ZNF892: variants seen among roughly 807,000 people sequenced by gnomAD.
ZNF892 encodes zinc finger protein 570-like.
the ZNF892 span, among the ~76,000 whole-genome samples, chr2:95,239,369 G>A: frequency 6.6e-6 from 1 of 152,156 alleles, no homozygotes; most frequent in Non-Finnish European, 1.5e-5. Context: ...CTGCAGCAGG[G>A]TTTAAGAGGA....
At chr2:95,225,253 A>G in the ZNF892 span, among the ~76,000 whole-genome samples, 1 of 152,246 alleles carries the variant, frequency 6.6e-6, no homozygotes, top group Admixed American at 6.5e-5. Flanking sequence ...AACACATAAC[A>G]TAAAATTTAC....
the ZNF892 span, among the ~76,000 whole-genome samples, chr2:95,214,178 A>G: frequency 6.6e-6 from 1 of 152,022 alleles, no homozygotes; most frequent in African/African-American, 2.4e-5. Context: ...TTCTCTCAAG[A>G]TTGCAAGACT....
At chr2:95,262,374 G>T in the ZNF892 span, among the ~76,000 whole-genome samples, 6 of 152,306 alleles carry the variant, frequency 3.9e-5, no homozygotes, top group Middle Eastern at 6.8e-3. Flanking sequence ...ACAGAGCTGT[G>T]TCTTTATTCC....
chr2:95,245,585 A>G, the ZNF892 span, among the ~76,000 whole-genome samples: 2 of 6,744 alleles, frequency 3.0e-4, no homozygotes, highest in Non-Finnish European at 5.0e-4. Flanking sequence ...TGGTTTTTTG[A>G]AAAAAAAAAA....
At chr2:95,221,543 A>G in the ZNF892 span, among the ~76,000 whole-genome samples, 2 of 152,220 alleles carry the variant, frequency 1.3e-5, no homozygotes, top group East Asian at 3.9e-4. Flanking sequence ...AGTGTGTGGT[A>G]TGGTTGGTTT....
At chr2:95,210,930 G>A in the ZNF892 span, among the ~76,000 whole-genome samples, 4 of 152,132 alleles carry the variant, frequency 2.6e-5, no homozygotes, top group Admixed American at 1.3e-4. Flanking sequence ...GGGGCAGAGG[G>A]CAGAATATTC....
chr2:95,243,383 G>T, the ZNF892 span, among the ~76,000 whole-genome samples: 55 of 151,206 alleles, frequency 3.6e-4, no homozygotes, highest in African/African-American at 1.3e-3. Flanking sequence ...CTGCCCGGCC[G>T]CCATCCCATC....
the ZNF892 span, among the ~76,000 whole-genome samples, chr2:95,241,615 C>T: frequency 6.6e-6 from 1 of 152,148 alleles, no homozygotes; most frequent in Non-Finnish European, 1.5e-5. Context: ...AACACCTCTC[C>T]AGCAAGGGCA....
the ZNF892 span, among the ~76,000 whole-genome samples, chr2:95,262,805 A>G: frequency 1.3e-5 from 2 of 152,240 alleles, no homozygotes; most frequent in Non-Finnish European, 2.9e-5. Flanking sequence ...GACGTATTCA[A>G]CTGAACCTAA....
the ZNF892 span, among the ~76,000 whole-genome samples, chr2:95,251,488 G>A: frequency 2.0e-5 from 3 of 152,202 alleles, no homozygotes; most frequent in Non-Finnish European, 4.4e-5. Flanking sequence ...ACTACCTATA[G>A]AGGCAGAGAC....
the ZNF892 span, among the ~76,000 whole-genome samples, chr2:95,223,385 T>C: frequency 6.6e-6 from 1 of 152,072 alleles, no homozygotes; most frequent in African/African-American, 2.4e-5. Flanking sequence ...ACAGATAATA[T>C]TGGGGTTTTT....
At chr2:95,244,648 A>G in the ZNF892 span, among the ~76,000 whole-genome samples, 2 of 152,196 alleles carry the variant, frequency 1.3e-5, no homozygotes, top group Non-Finnish European at 2.9e-5. Context: ...GAAAATTTAA[A>G]AAGATATTCA....
chr2:95,207,862 GGTGCCCGC>G, the ZNF892 span: 1 of 398,710 alleles, frequency 2.5e-6, no homozygotes, highest in Non-Finnish European at 4.4e-6. Context: ...ATGCGGCCTT[GGTGCCCGC>G]TGCAGAGGGA....
the ZNF892 span, among the ~76,000 whole-genome samples, chr2:95,210,129 A>ATG: frequency 6.7e-6 from 1 of 149,346 alleles, no homozygotes; most frequent in Admixed American, 6.7e-5. Flanking sequence ...GTGTGTATAT[A>ATG]TGTGTATACA....
At chr2:95,258,286 G>C in the ZNF892 span, among the ~76,000 whole-genome samples, 1 of 152,230 alleles carries the variant, frequency 6.6e-6, no homozygotes, top group Non-Finnish European at 1.5e-5. Context: ...ACAAAGGAGG[G>C]AAGGGGTTTT....
chr2:95,255,582 A>G, the ZNF892 span, among the ~76,000 whole-genome samples: 9 of 152,290 alleles, frequency 5.9e-5, no homozygotes, highest in East Asian at 1.7e-3. Context: ...AGTTCTGCAG[A>G]TGTCTATTAG....
chr2:95,243,394 T>G, the ZNF892 span, among the ~76,000 whole-genome samples: 2 of 149,016 alleles, frequency 1.3e-5, no homozygotes, highest in African/African-American at 2.5e-5. Flanking sequence ...CCATCCCATC[T>G]AGGAAGTGAG....
chr2:95,206,636 C>T, the ZNF892 span, among the ~76,000 whole-genome samples: 3 of 152,264 alleles, frequency 2.0e-5, no homozygotes, highest in South Asian at 6.2e-4. Flanking sequence ...ACGGGGTATG[C>T]CGGACACGAA....
the ZNF892 span, among the ~76,000 whole-genome samples, chr2:95,207,277 C>G: frequency 3.9e-5 from 6 of 152,202 alleles, no homozygotes; most frequent in Non-Finnish European, 7.3e-5. Flanking sequence ...AGCGGAGATG[C>G]GAAAAGTCCC....
Sources: gnomAD v4.1 joint callset for allele counts (sites outside exome capture counted in the v4.1 genomes callset) on GRCh38, gnomAD v4.1.1 for gene constraint, MANE v1.5 for transcripts, NCBI Gene and HGNC (gene_info 2026-07-23, HGNC 2026-07-21) for gene names.